Variants in FRMD4A observed in about 807,000 individuals in gnomAD.
The protein encoded by FRMD4A is FERM domain containing 4A, also known as FERM domain-containing protein 4A.
Under a neutral mutation model 129.1 loss-of-function variants are expected in FRMD4A, and 29 were observed. That is an observed-to-expected ratio of 0.22 (90% confidence interval 0.17 to 0.31). The LOEUF is 0.31. FRMD4A is among the 10% of genes least tolerant of loss of function. FRMD4A has a pLI of 1.00. For synonymous variants in FRMD4A, 634 were observed against 571.6 expected (o/e 1.11, Z -1.56); for missense variants, 1,272 against 1,375.8 (o/e 0.92, Z 1.19).
intron 8 of FRMD4A, among the ~76,000 whole-genome samples, chr10:13,756,677 T>A (rs2091878313): frequency 1.3e-5 from 2 of 152,178 alleles, no homozygotes; most frequent in Non-Finnish European, 2.9e-5. Flanking sequence ...AAGTTATTAT[T>A]TTAAGAAAAT....
intron 2 of FRMD4A, among the ~76,000 whole-genome samples, chr10:14,048,096 G>A (rs1372689506): frequency 6.6e-6 from 1 of 152,170 alleles, no homozygotes; most frequent in East Asian, 1.9e-4. Context: ...ATCTTGTGGA[G>A]GAGAAGAAAG....
At chr10:13,967,038 C>A (rs11258758) in intron 2 of FRMD4A, among the ~76,000 whole-genome samples, 3 of 152,140 alleles carry the variant, frequency 2.0e-5, no homozygotes, top group Admixed American at 6.5e-5. Context: ...GATGCACAGG[C>A]GTAAGAATGA....
At chr10:13,997,253 T>A (rs1043252985) in intron 2 of FRMD4A, among the ~76,000 whole-genome samples, 2 of 152,132 alleles carry the variant, frequency 1.3e-5, no homozygotes, top group African/African-American at 4.8e-5. Context: ...AAGAGGAACA[T>A]GCTGTTTCTT....
chr10:14,253,450 T>C (rs1451789652), intron 2 of FRMD4A, among the ~76,000 whole-genome samples: 4 of 152,248 alleles, frequency 2.6e-5, no homozygotes, highest in African/African-American at 9.6e-5. Flanking sequence ...CAGGGTGGAA[T>C]ATGGGAAACC....
At chr10:14,327,266 T>A (rs1353731747) in intron 2 of FRMD4A, among the ~76,000 whole-genome samples, 1 of 152,222 alleles carries the variant, frequency 6.6e-6, no homozygotes. Context: ...ATATCTGCCC[T>A]AGCATAAAAG....
At chr10:14,016,131 T>C (rs1255072389) in intron 2 of FRMD4A, among the ~76,000 whole-genome samples, 1 of 152,264 alleles carries the variant, frequency 6.6e-6, no homozygotes, top group Non-Finnish European at 1.5e-5. Context: ...TGAGTCTGCA[T>C]GTGAAAATGT....
chr10:13,732,344 G>GT (rs1337863745), intron 12 of FRMD4A, among the ~76,000 whole-genome samples: 1 of 152,132 alleles, frequency 6.6e-6, no homozygotes, highest in African/African-American at 2.4e-5. Flanking sequence ...GGGATGAGGG[G>GT]TAGGTCATAT....
chr10:13,907,238 G>C (rs1589234610), intron 2 of FRMD4A, among the ~76,000 whole-genome samples: 1 of 152,220 alleles, frequency 6.6e-6, no homozygotes, highest in South Asian at 2.1e-4. Context: ...AAATTCTTTT[G>C]GAAATGGTTA....
At chr10:13,942,323 T>C (rs1251624560) in intron 2 of FRMD4A, among the ~76,000 whole-genome samples, 1 of 152,162 alleles carries the variant, frequency 6.6e-6, no homozygotes, top group African/African-American at 2.4e-5. Flanking sequence ...GTGTACTGCC[T>C]GGGAGAGCAG....
At chr10:13,828,473 T>C (rs1258927689) in intron 3 of FRMD4A, among the ~76,000 whole-genome samples, 1 of 152,244 alleles carries the variant, frequency 6.6e-6, no homozygotes, top group Non-Finnish European at 1.5e-5. Flanking sequence ...GATTTCATTC[T>C]TTTTGATGGC....
At chr10:14,125,682 T>C (rs1447225381) in intron 2 of FRMD4A, among the ~76,000 whole-genome samples, 1 of 152,074 alleles carries the variant, frequency 6.6e-6, no homozygotes, top group African/African-American at 2.4e-5. Flanking sequence ...AAAACAATAA[T>C]GTGCTGTGGG....
At chr10:14,031,291 G>A (rs1833231799) in intron 2 of FRMD4A, among the ~76,000 whole-genome samples, 1 of 149,942 alleles carries the variant, frequency 6.7e-6, no homozygotes, top group Non-Finnish European at 1.5e-5. Context: ...TTTTGAGATG[G>A]AGTTTCACTC....
intron 16 of FRMD4A, among the ~76,000 whole-genome samples, chr10:13,671,052 G>C (rs1432182626): frequency 6.6e-6 from 1 of 152,212 alleles, no homozygotes; most frequent in Non-Finnish European, 1.5e-5. Flanking sequence ...TCCCAGAAAA[G>C]TGCATAGATA....
At chr10:14,200,603 A>G (rs1470047364) in intron 2 of FRMD4A, among the ~76,000 whole-genome samples, 1 of 152,196 alleles carries the variant, frequency 6.6e-6, no homozygotes, top group East Asian at 1.9e-4. Context: ...GAGAAGTTCA[A>G]TGGGGATTTA....
chr10:13,997,785 G>A (rs1333021242), intron 2 of FRMD4A, among the ~76,000 whole-genome samples: 1 of 151,802 alleles, frequency 6.6e-6, no homozygotes, highest in African/African-American at 2.4e-5. Flanking sequence ...ACCACACCCA[G>A]CTAATTTGTT....
chr10:13,934,697 C>T (rs937336069), intron 2 of FRMD4A, among the ~76,000 whole-genome samples: 1 of 152,152 alleles, frequency 6.6e-6, no homozygotes. Flanking sequence ...AATAGCCTTA[C>T]GTTAGAATGC....
intron 2 of FRMD4A, among the ~76,000 whole-genome samples, chr10:14,142,372 A>T (rs1839881536): frequency 6.6e-6 from 1 of 152,188 alleles, no homozygotes; most frequent in Non-Finnish European, 1.5e-5. Flanking sequence ...AGAAAATTTG[A>T]TCTAGTAAAA....
At chr10:13,885,319 G>A (rs2094606873) in intron 2 of FRMD4A, among the ~76,000 whole-genome samples, 1 of 152,162 alleles carries the variant, frequency 6.6e-6, no homozygotes, top group Admixed American at 6.5e-5. Context: ...AGCAACCAAG[G>A]CTCAGAGAGA....
chr10:14,138,739 G>A (rs1019195090), intron 2 of FRMD4A, among the ~76,000 whole-genome samples: 2 of 150,604 alleles, frequency 1.3e-5, no homozygotes, highest in African/African-American at 2.4e-5. Context: ...CAGCCTGGGC[G>A]ACAGACAGAC....
Sources: gnomAD v4.1 joint callset for allele counts (sites outside exome capture counted in the v4.1 genomes callset) on GRCh38, gnomAD v4.1.1 for gene constraint, MANE v1.5 for transcripts, NCBI Gene and HGNC (gene_info 2026-07-23, HGNC 2026-07-21) for gene names.